The following TAF4B variants were observed in gnomAD, a reference collection of about 807,000 sequenced individuals.
The protein encoded by TAF4B is transcription initiation factor TFIID subunit 4B.
In TAF4B, 38 loss-of-function variants were observed where a neutral mutation model predicts 86.4. That is an observed-to-expected ratio of 0.44 (90% confidence interval 0.34 to 0.58). The LOEUF is 0.58. TAF4B is among the 20% of genes least tolerant of loss of function. The probability of loss-of-function intolerance (pLI) is 0.02; values close to 1 mark genes in which losing one functional copy is unlikely to be tolerated. For missense variants in TAF4B, 988 were observed against 1,027.6 expected (o/e 0.96, Z 0.53); for synonymous variants, 388 against 391.2 (o/e 0.99, Z 0.10).
intron 1 of TAF4B, among the ~76,000 whole-genome samples, chr18:26,254,635 C>T (rs1421297029): frequency 6.6e-6 from 1 of 152,154 alleles, no homozygotes; most frequent in Non-Finnish European, 1.5e-5. Context: ...CACATTTTTT[C>T]AGATAGCTTA....
chr18:26,265,450 G>C (rs1341215142), intron 2 of TAF4B, 135 bp downstream of exon 2: 2 of 1,000,362 alleles, frequency 2.0e-6, no homozygotes, highest in Non-Finnish European at 2.7e-6. Context: ...AGCTTGCCTT[G>C]AATATGTCAA....
chr18:26,285,210 C>CTTTCCTTTTTTTTTTTTT (rs2056496143), intron 6 of TAF4B, among the ~76,000 whole-genome samples: 1 of 42,514 alleles, frequency 2.4e-5, no homozygotes, highest in African/African-American at 8.0e-5. Flanking sequence ...TCTTCCTTTC[C>CTTTCCTTTTTTTTTTTTT]TTTTTTTTTT....
At chr18:26,307,269 T>C (rs2056804767) in intron 9 of TAF4B, among the ~76,000 whole-genome samples, 1 of 142,036 alleles carries the variant, frequency 7.0e-6, no homozygotes, top group South Asian at 2.1e-4. Context: ...CTTACACTTT[T>C]CGGGGGGATT....
chr18:26,239,339 A>G (rs535788286), intron 1 of TAF4B, among the ~76,000 whole-genome samples: 39 of 152,204 alleles, frequency 2.6e-4, no homozygotes, highest in Middle Eastern at 3.4e-3. Flanking sequence ...TCTGATGGCC[A>G]GTGATGATGA....
intron 14 of TAF4B, among the ~76,000 whole-genome samples, chr18:26,358,314 G>A (rs2057304220): frequency 6.6e-6 from 1 of 152,176 alleles, no homozygotes; most frequent in South Asian, 2.1e-4. Flanking sequence ...ATAGTCTTTT[G>A]TATTCCCCCA....
chr18:26,325,354 G>C (rs1325832888), intron 11 of TAF4B, among the ~76,000 whole-genome samples: 8 of 152,140 alleles, frequency 5.3e-5, no homozygotes, highest in African/African-American at 1.9e-4. Context: ...AATATGCAGT[G>C]GCCTTAACAT....
At chr18:26,350,549 G>A (rs1248130361) in intron 13 of TAF4B, among the ~76,000 whole-genome samples, 1 of 152,166 alleles carries the variant, frequency 6.6e-6, no homozygotes, top group Non-Finnish European at 1.5e-5. Context: ...GGTGGCATAG[G>A]CCTGTAGTCC....
intron 11 of TAF4B, among the ~76,000 whole-genome samples, chr18:26,323,003 G>GAGT (rs2056975263): frequency 6.6e-6 from 1 of 151,912 alleles, no homozygotes; most frequent in African/African-American, 2.4e-5. Context: ...TGTGACTGTA[G>GAGT]AGTATGTTGT....
At chr18:26,372,798 G>A (rs138614762) in intron 14 of TAF4B, among the ~76,000 whole-genome samples, 3 of 150,614 alleles carry the variant, frequency 2.0e-5, no homozygotes, top group African/African-American at 7.3e-5. Context: ...GTGAAACCCC[G>A]TCTCTACTAA....
rs1056875821 is a variant in TAF4B, at chr18:26,288,501, G to C, written c.1590+2002G>C. Among the ~76,000 whole-genome samples, 8 of 152,152 alleles carry C rather than the reference G, an allele frequency of 5.3e-5. No homozygotes were observed. The South Asian group carries it at 1.7e-3, about 32-fold the overall frequency. On this transcript the variant is annotated intron_variant, in intron 7 of 14. Coordinates refer to ENST00000269142, the MANE Select transcript of TAF4B (RefSeq NM_005640.3). The stretch of plus-strand genomic sequence containing the variant: ...AATACAAAAATTAGCCAGGTGTGGT[G>C]GTGGGCACCTGTAATCCCAGCTACT...
rs531240237 is a variant in TAF4B, at chr18:26,240,173, T to A, written c.343+12897T>A. Among the ~76,000 whole-genome samples, 291 of 152,346 alleles carry A rather than the reference T, an allele frequency of 1.9e-3. 2 individuals are homozygous for A. Among genetic ancestry groups the A allele is most frequent in the African/African-American group, 6.8e-3 (284 of 41,588 alleles). ...GATGGCATTGAATCTATAAGTTACCTTGGGCAGTATGGCCATTTTCATGAT... is the reference window on the plus strand; with the variant it reads ...GATGGCATTGAATCTATAAGTTACCATGGGCAGTATGGCCATTTTCATGAT... On this transcript the variant is annotated intron_variant, in intron 1 of 14. Coordinates refer to ENST00000269142, the MANE Select transcript of TAF4B (RefSeq NM_005640.3).
chr18:26,293,326 T>A, intron 8 of TAF4B, 100 bp from the exon 9 acceptor site: 1 of 725,126 alleles, frequency 1.4e-6, no homozygotes. Flanking sequence ...GAATTTTCTT[T>A]GATTATTCTA....
intron 14 of TAF4B, among the ~76,000 whole-genome samples, chr18:26,361,636 G>A (rs1014244966): frequency 8.6e-5 from 13 of 151,050 alleles, no homozygotes; most frequent in African/African-American, 2.9e-4. Context: ...TCCTAGCTAC[G>A]TGGGGGGTTG....
At chr18:26,363,628 A>G (rs1300059383) in intron 14 of TAF4B, among the ~76,000 whole-genome samples, 1 of 152,176 alleles carries the variant, frequency 6.6e-6, no homozygotes, top group Non-Finnish European at 1.5e-5. Flanking sequence ...GCTGATTTGC[A>G]TTAGTTACAA....
chr18:26,335,058 C>T (rs1027182465), intron 12 of TAF4B, 117 bp from the exon 13 acceptor site: 10 of 742,650 alleles, frequency 1.3e-5, no homozygotes, highest in Non-Finnish European at 1.8e-5. Flanking sequence ...GAGGTATTTT[C>T]CCCTGGAGCT....
At chr18:26,260,879 G>A (rs1357799106) in intron 1 of TAF4B, among the ~76,000 whole-genome samples, 1 of 151,960 alleles carries the variant, frequency 6.6e-6, no homozygotes, top group Non-Finnish European at 1.5e-5. Flanking sequence ...ACTTATAATT[G>A]TTACTCTGAC....
intron 9 of TAF4B, among the ~76,000 whole-genome samples, chr18:26,306,247 C>T (rs1430641203): frequency 6.6e-6 from 1 of 152,054 alleles, no homozygotes; most frequent in African/African-American, 2.4e-5. Flanking sequence ...TGATAAAACC[C>T]ACTGTATAGT....
At chr18:26,341,372 A>G (rs1357922121) in intron 13 of TAF4B, among the ~76,000 whole-genome samples, 1 of 152,142 alleles carries the variant, frequency 6.6e-6, no homozygotes, top group African/African-American at 2.4e-5. Context: ...GACCATGAAT[A>G]TGTTCTTTCT....
Position 26,286,100 on chromosome 18 carries a change from C to T in TAF4B, c.1191C>T (p.Asn397=). 2 of 1,614,222 alleles carry T rather than the reference C, an allele frequency of 1.2e-6. No individual in the cohort carries two copies. The highest frequency in any genetic ancestry group is 2.2e-5 in the South Asian group (2 of 91,088). ...GAACTGTGTCAGTGCAAACTTTGAA[C>T]CCACTTGCTGGTCCAGTGGGAGCAA... The part of the protein sequence containing the change: ...APRTVSVQTL[N]PLAGPVGAKA... Residue 397 remains asparagine, a synonymous_variant, in exon 7 of 15, where the codon AAC becomes AAT. Coordinates refer to ENST00000269142, the MANE Select transcript of TAF4B (RefSeq NM_005640.3).
Sources: gnomAD v4.1 joint callset for allele counts (sites outside exome capture counted in the v4.1 genomes callset) on GRCh38, gnomAD v4.1.1 for gene constraint, MANE v1.5 for transcripts, NCBI Gene and HGNC (gene_info 2026-07-23, HGNC 2026-07-21) for gene names.